The following EYA3 variants were observed in gnomAD, a reference collection of about 807,000 sequenced individuals.
EYA3 encodes the protein EYA transcriptional coactivator and phosphatase 3.
In EYA3, 39 loss-of-function variants were observed where a neutral mutation model predicts 80.0. That is an observed-to-expected ratio of 0.49 (90% CI 0.38 to 0.64). The LOEUF is 0.64. Ranked by LOEUF, EYA3 falls within the 30% of genes least tolerant of loss-of-function variation. The pLI is 0.00. For missense variants in EYA3, 523 were observed against 676.1 expected (o/e 0.77, Z 2.51); for synonymous variants, 206 against 232.8 (o/e 0.88, Z 1.05).
chr1:27,999,520 C>A (rs1370971083), intron 12 of EYA3, among the ~76,000 whole-genome samples: 1 of 151,974 alleles, frequency 6.6e-6, no homozygotes, highest in Admixed American at 6.6e-5. Context: ...GTTAGAGTAA[C>A]CATTTATAGA....
intron 2 of EYA3, among the ~76,000 whole-genome samples, chr1:28,048,933 T>C (rs1273145818): frequency 1.3e-5 from 2 of 152,176 alleles, no homozygotes; most frequent in South Asian, 2.1e-4. Flanking sequence ...ACATTTTCTA[T>C]TTCCTTCTGG....
intron 11 of EYA3, among the ~76,000 whole-genome samples, chr1:28,000,711 T>C (rs1304494877): frequency 1.3e-5 from 2 of 152,136 alleles, no homozygotes; most frequent in Non-Finnish European, 2.9e-5. Context: ...GGAAGATTGC[T>C]TAAGGCTAGG....
intron 9 of EYA3, among the ~76,000 whole-genome samples, chr1:28,012,465 CAATGATA>C (rs2148792290): frequency 6.6e-6 from 1 of 152,234 alleles, no homozygotes; most frequent in East Asian, 1.9e-4. Flanking sequence ...GCATCAGTGC[CAATGATA>C]AACAGTGCTT....
rs186662007 is a variant in EYA3, at chr1:28,041,332, C to G, written c.157+1239G>C. ...TGAGCGGAGATCTTGCCATTGCATT[C>G]CAGCCTGGGTGACAAGAGCGAAACT... On this transcript the variant is annotated intron_variant, in intron 4 of 17. Coordinates refer to ENST00000373871, the MANE Select transcript of EYA3 (RefSeq NM_001990.4). 1.9e-3 allele frequency among the ~76,000 whole-genome samples: 284 copies of G among 152,202 alleles called. 3 individuals are homozygous for G. The highest frequency in any genetic ancestry group is 6.5e-3 in the African/African-American group (268 of 41,534).
rs146401743 is a variant in EYA3, at chr1:28,034,030, C to A, written c.361+1514G>T. On this transcript the variant is annotated intron_variant, in intron 6 of 17. Transcript: ENST00000373871. ...CCAAAATGGTGAAACCCTGTCTCTACTAAAATACAAAAATTAGGCAGGCTT... is the reference window on the plus strand; with the variant it reads ...CCAAAATGGTGAAACCCTGTCTCTAATAAAATACAAAAATTAGGCAGGCTT... Among the ~76,000 whole-genome samples, 346 of 151,940 alleles carry A rather than the reference C, an allele frequency of 2.3e-3. 1 individual carries two copies. Among genetic ancestry groups the A allele is most frequent in the African/African-American group, 7.8e-3 (323 of 41,492 alleles).
chr1:28,069,074 G>A (rs1032702477), intron 1 of EYA3, among the ~76,000 whole-genome samples: 2 of 151,878 alleles, frequency 1.3e-5, no homozygotes, highest in Admixed American at 1.3e-4. Flanking sequence ...CCCAAAGTGG[G>A]ATTACAGGCT....
At chr1:28,004,289 T>C (rs774602559) in intron 11 of EYA3, 47 bp downstream of exon 11, 2 of 1,347,814 alleles carry the variant, frequency 1.5e-6, no homozygotes, top group African/African-American at 1.4e-5. Flanking sequence ...AGGGACTGAC[T>C]ATATAGTCAG....
intron 7 of EYA3, among the ~76,000 whole-genome samples, chr1:28,020,774 C>A (rs529196885): frequency 6.8e-6 from 1 of 147,986 alleles, no homozygotes; most frequent in Non-Finnish European, 1.5e-5. Flanking sequence ...ATGAACTATG[C>A]AACAAAAACT....
In EYA3 at chr1:28,058,036, T is replaced by A. The variant is rs1304744207; in HGVS notation, c.-10A>T. ...CTTGCTCTTCTTCCATGAGGACCAA[T>A]ATTTCTTTATTATACTTATGTGACT... On this transcript the variant is annotated 5_prime_UTR_variant, in exon 2 of 18. Coordinates refer to ENST00000373871, the MANE Select transcript of EYA3 (RefSeq NM_001990.4). The A allele has an allele frequency of 6.3e-7, 1 of 1,585,272 alleles. No individual in the cohort carries two copies. Among genetic ancestry groups the A allele is most frequent in the Non-Finnish European group, 8.6e-7 (1 of 1,162,084 alleles).
At chr1:28,038,805 G>A (rs1217866186) in intron 5 of EYA3, 34 bp downstream of exon 5, 2 of 1,290,376 alleles carry the variant, frequency 1.5e-6, no homozygotes, top group East Asian at 2.4e-5. Context: ...TACAGAAAAA[G>A]CATATGCATT....
At chr1:28,007,398 G>A (rs1025746568) in intron 10 of EYA3, among the ~76,000 whole-genome samples, 142 of 146,008 alleles carry the variant, frequency 9.7e-4, no homozygotes, top group Middle Eastern at 7.6e-3. Context: ...GCAGTGGTAC[G>A]ATCTCGGCTC....
chr1:27,978,545 G>C (rs754217004), intron 16 of EYA3, 71 bp from the exon 17 acceptor site: 1 of 1,322,502 alleles, frequency 7.6e-7, no homozygotes, highest in Non-Finnish European at 1.1e-6. Flanking sequence ...GAGGGCTGCT[G>C]CTAGGTTCAC....
At chr1:28,017,506 T>A (rs141704345) in intron 7 of EYA3, among the ~76,000 whole-genome samples, 1 of 152,316 alleles carries the variant, frequency 6.6e-6, no homozygotes, top group African/African-American at 2.4e-5. Context: ...AATTCACAGC[T>A]CATACTAATA....
At position 28,043,480 on chromosome 1, in the gene EYA3, G is replaced by A. The variant is rs191754441; in HGVS notation, c.78-830C>T. On this transcript the variant is annotated intron_variant, in intron 3 of 17. Coordinates refer to ENST00000373871, the MANE Select transcript of EYA3 (RefSeq NM_001990.4). ...AAGTACCACAGGAAGGTAGGGAGAC[G>A]TTTGATTTCAGACAGTGGTTCTTGA... Among the ~76,000 whole-genome samples, 220 of 152,270 alleles carry A rather than the reference G, an allele frequency of 1.4e-3. 1 individual carries two copies. Among genetic ancestry groups the A allele is most frequent in the African/African-American group, 4.8e-3 (201 of 41,550 alleles).
At chr1:28,021,897 G>A (rs1347995417) in intron 7 of EYA3, among the ~76,000 whole-genome samples, 9 of 151,970 alleles carry the variant, frequency 5.9e-5, no homozygotes, top group African/African-American at 1.4e-4. Context: ...GAGCCACCGC[G>A]CCCAGCCTAA....
chr1:28,069,743 A>G (rs1205097676), intron 1 of EYA3, among the ~76,000 whole-genome samples: 1 of 152,212 alleles, frequency 6.6e-6, no homozygotes, highest in African/African-American at 2.4e-5. Context: ...AGATGGGTCC[A>G]TAGCCTAATA....
At chr1:27,989,601 CT>C (rs1639896086) in intron 15 of EYA3, 95 bp downstream of exon 15, 3 of 725,220 alleles carry the variant, frequency 4.1e-6, no homozygotes, top group Admixed American at 2.6e-5. Flanking sequence ...CTCTCTACCC[CT>C]ATCCCAAACC....
chr1:28,011,469 G>A (rs981444522), intron 9 of EYA3, among the ~76,000 whole-genome samples: 1 of 152,160 alleles, frequency 6.6e-6, no homozygotes, highest in Non-Finnish European at 1.5e-5. Flanking sequence ...ATTATAGGAT[G>A]TTTGGTTAAG....
In EYA3 at chr1:28,013,405, A is replaced by C; in HGVS notation, c.586-111T>G. On this transcript the variant is annotated intron_variant, in intron 8 of 17. Transcript: ENST00000373871. The surrounding 1 kb of genome is among the most constrained non-coding windows in gnomAD (Gnocchi z 4.0). ...TTCATAATTATTTTTCTAAAACATT[A>C]ATTTGACTTCTCATTTACCTACCTA... is the stretch of plus-strand genomic sequence containing the variant. The C allele has an allele frequency of 1.0e-6, 1 of 983,994 alleles. No individual in the cohort carries two copies. The highest frequency in any genetic ancestry group is 2.1e-5 in the South Asian group (1 of 47,706). 61.0% of individuals were successfully genotyped at this position (983,994 alleles called of 1,614,324 possible).
Sources: allele counts gnomAD v4.1 joint callset (sites outside exome capture counted in the v4.1 genomes callset), GRCh38; gene constraint gnomAD v4.1.1; non-coding constraint Gnocchi (gnomAD v3.1); transcripts MANE v1.5; gene names NCBI Gene and HGNC (gene_info 2026-07-23, HGNC 2026-07-21).